The following PLCXD3 variants were observed in gnomAD, a reference collection of about 807,000 sequenced individuals.
PLCXD3 encodes phosphatidylinositol specific phospholipase C X domain containing 3, also known as PI-PLC X domain-containing protein 3.
A neutral mutation model predicts 25.5 loss-of-function variants in PLCXD3; 19 were observed. That is an observed-to-expected ratio of 0.75 (90% CI 0.52 to 1.09). PLCXD3 has a LOEUF of 1.09. Ranked by LOEUF, PLCXD3 falls within the 50% of genes least tolerant of loss-of-function variation. PLCXD3 has a pLI of 0.00. For missense variants in PLCXD3, 411 were observed against 388.1 expected, an observed-to-expected ratio of 1.06 and a Z score of -0.50; for synonymous variants, 174 against 137.6, an observed-to-expected ratio of 1.26 and a Z score of -1.85.
intron 2 of PLCXD3, among the ~76,000 whole-genome samples, chr5:41,377,820 A>G (rs1317441537): frequency 1.3e-5 from 2 of 152,104 alleles, no homozygotes; most frequent in African/African-American, 4.8e-5. Context: ...AAAATTGTAG[A>G]GAAACTAGCT....
Position 41,313,474 on chromosome 5 carries a change from A to G in PLCXD3, c.*143T>C. 1.2e-6 allele frequency: 1 copy of G among 845,176 alleles called. No individual in the cohort carries two copies. Among genetic ancestry groups the G allele is most frequent in the Non-Finnish European group, 1.8e-6 (1 of 555,090 alleles). 52.4% of individuals were successfully genotyped at this position (845,176 alleles called of 1,614,324 possible). ...GTATGATTGTAATCACTGAAGAAAC[A>G]GTTTTTCCCCTTTTCCCACCCACTA... On this transcript the variant is annotated 3_prime_UTR_variant, in exon 3 of 3. Transcript: ENST00000377801.
chr5:41,405,553 T>G (rs540323623), intron 1 of PLCXD3, among the ~76,000 whole-genome samples: 1 of 152,270 alleles, frequency 6.6e-6, no homozygotes, highest in African/African-American at 2.4e-5. Context: ...ACACTTGATT[T>G]TAAGCTAGAT....
intron 1 of PLCXD3, among the ~76,000 whole-genome samples, chr5:41,480,906 T>A (rs144898661): frequency 6.6e-6 from 1 of 151,830 alleles, no homozygotes; most frequent in Non-Finnish European, 1.5e-5. Flanking sequence ...CAAGACTCCA[T>A]CTCAAAATAA....
At chr5:41,382,617 C>T (rs1468827898) in intron 1 of PLCXD3, 83 bp from the exon 2 acceptor site, 3 of 1,074,582 alleles carry the variant, frequency 2.8e-6, no homozygotes, top group Non-Finnish European at 4.0e-6. Flanking sequence ...ATATCCATAC[C>T]TCTCCCTCAA....
intron 1 of PLCXD3, among the ~76,000 whole-genome samples, chr5:41,455,721 T>C (rs1426017408): frequency 2.0e-5 from 3 of 151,954 alleles, no homozygotes; most frequent in Non-Finnish European, 4.4e-5. Flanking sequence ...TCTGAAAAGG[T>C]ACACTGCCTG....
At chr5:41,428,501 G>C (rs1475202138) in intron 1 of PLCXD3, among the ~76,000 whole-genome samples, 4 of 151,404 alleles carry the variant, frequency 2.6e-5, no homozygotes, top group African/African-American at 7.3e-5. Context: ...GATCACGTGA[G>C]GACACAGAGA....
At chr5:41,381,313 C>T (rs1012134811) in intron 2 of PLCXD3, among the ~76,000 whole-genome samples, 3 of 152,040 alleles carry the variant, frequency 2.0e-5, no homozygotes, top group Non-Finnish European at 4.4e-5. Flanking sequence ...ATCTGTGGTC[C>T]ACAAAAATAC....
chr5:41,361,372 GT>G (rs1481992291), intron 2 of PLCXD3, among the ~76,000 whole-genome samples: 32 of 152,198 alleles, frequency 2.1e-4, no homozygotes, highest in African/African-American at 7.7e-4. Context: ...GTTTTTTGGT[GT>G]CTCAGGGAGC....
intron 1 of PLCXD3, among the ~76,000 whole-genome samples, chr5:41,445,552 A>T (rs947422975): frequency 6.6e-6 from 1 of 152,194 alleles, no homozygotes; most frequent in East Asian, 1.9e-4. Context: ...CTTGAAAATC[A>T]GTGATATAAG....
chr5:41,480,384 A>G (rs1748378266), intron 1 of PLCXD3, among the ~76,000 whole-genome samples: 1 of 150,178 alleles, frequency 6.7e-6, no homozygotes, highest in Non-Finnish European at 1.5e-5. Context: ...TTGTAGCTGT[A>G]ACAAAGTTGT....
intron 1 of PLCXD3, among the ~76,000 whole-genome samples, chr5:41,408,736 G>A (rs2150502433): frequency 6.6e-6 from 1 of 152,240 alleles, no homozygotes; most frequent in East Asian, 1.9e-4. Context: ...TAAGAATACG[G>A]TGTCGCATAA....
At chr5:41,468,513 A>G (rs973534734) in intron 1 of PLCXD3, among the ~76,000 whole-genome samples, 10 of 152,158 alleles carry the variant, frequency 6.6e-5, no homozygotes, top group Admixed American at 5.9e-4. Flanking sequence ...TGAACACAGG[A>G]GATCTCTTCA....
rs1743158088 is a variant in PLCXD3 at position 41,312,547 on chromosome 5, C to A, written c.*1070G>T. 6.6e-6 allele frequency: 1 copy of A among 151,646 alleles called. No individual in the cohort carries two copies. The highest frequency in any genetic ancestry group is 1.5e-5 in the Non-Finnish European group (1 of 67,900). 9.4% of individuals were successfully genotyped at this position (151,646 alleles called of 1,614,324 possible). A position where few individuals can be genotyped will look rare whatever the true frequency, so the allele number is the denominator to read the frequency against. ...CAGTCTTTTTCTTCTTCCTTCCTCT[C>A]TTCCTCCCTCCCTCCCTCTCTTCCT... On this transcript the variant is annotated 3_prime_UTR_variant, in exon 3 of 3. Transcript: ENST00000377801.
chr5:41,309,261 A>G lies in PLCXD3; in HGVS notation c.*4356T>C, dbSNP rs1386383883. On this transcript the variant is annotated 3_prime_UTR_variant, in exon 3 of 3. Transcript: ENST00000377801. ...AATTGACATGTTTTACAAATTCTAC[A>G]GAACACTTTATCATTATCATTGGGA... 2.0e-5 allele frequency: 3 copies of G among 152,600 alleles called. No individual in the cohort carries two copies. Among genetic ancestry groups the G allele is most frequent in the Non-Finnish European group, 2.9e-5 (2 of 68,022 alleles). The allele number at this position is 152,600 out of a possible 1,614,324, so 9.5% of individuals were successfully genotyped here.
chr5:41,457,560 G>A (rs996601603), intron 1 of PLCXD3, among the ~76,000 whole-genome samples: 10 of 151,856 alleles, frequency 6.6e-5, no homozygotes, highest in African/African-American at 1.2e-4. Flanking sequence ...TGTGACCAGC[G>A]CCTCAGATAC....
chr5:41,420,531 A>T (rs1746793906), intron 1 of PLCXD3, among the ~76,000 whole-genome samples: 1 of 152,214 alleles, frequency 6.6e-6, no homozygotes. Context: ...ATGCAAAGGA[A>T]TCAAACTGTC....
intron 1 of PLCXD3, among the ~76,000 whole-genome samples, chr5:41,449,037 A>T (rs1005927015): frequency 2.0e-5 from 3 of 152,094 alleles, no homozygotes; most frequent in African/African-American, 7.2e-5. Context: ...TTTCCAGAAA[A>T]CTTTCTATAT....
At chr5:41,500,878 C>T (rs7711241) in intron 1 of PLCXD3, among the ~76,000 whole-genome samples, 1,723 of 151,820 alleles carry the variant, frequency 0.011, 29 homozygotes, top group African/African-American at 0.039. Flanking sequence ...AACTAAATAA[C>T]CTTATTAAAA....
chr5:41,402,019 A>C (rs991027754), intron 1 of PLCXD3, among the ~76,000 whole-genome samples: 21 of 151,958 alleles, frequency 1.4e-4, no homozygotes, highest in Non-Finnish European at 7.4e-5. Flanking sequence ...GAGATGCTAA[A>C]TTTTATTGAC....
Sources: allele counts gnomAD v4.1 joint callset (sites outside exome capture counted in the v4.1 genomes callset), GRCh38; gene constraint gnomAD v4.1.1; transcripts MANE v1.5; gene names NCBI Gene and HGNC (gene_info 2026-07-23, HGNC 2026-07-21).